EPB41L4A: variants seen among roughly 807,000 people sequenced by gnomAD.
EPB41L4A encodes band 4.1-like protein 4A.
A neutral mutation model predicts 108.6 loss-of-function variants in EPB41L4A; 100 were observed. That is an observed-to-expected ratio of 0.92 (90% CI 0.78 to 1.09). EPB41L4A has a LOEUF of 1.09. EPB41L4A is among the 50% of genes least tolerant of loss of function. The pLI is 0.00. For synonymous variants in EPB41L4A, 319 were observed against 289.0 expected (o/e 1.10, Z -1.05); for missense variants, 1,030 against 842.7 (o/e 1.22, Z -2.75).
chr5:112,251,291 C>G (rs1047136606), intron 9 of EPB41L4A, among the ~76,000 whole-genome samples: 2 of 152,098 alleles, frequency 1.3e-5, no homozygotes, highest in Non-Finnish European at 1.5e-5. Flanking sequence ...GGAATTTAAC[C>G]CATGGATATC....
chr5:112,232,948 A>G (rs1217474575), intron 12 of EPB41L4A, among the ~76,000 whole-genome samples: 1 of 152,222 alleles, frequency 6.6e-6, no homozygotes, highest in East Asian at 1.9e-4. Flanking sequence ...AACGTCAGCA[A>G]TATTACTTCA....
At chr5:112,406,419 T>C (rs1433822658) in intron 1 of EPB41L4A, among the ~76,000 whole-genome samples, 1 of 152,158 alleles carries the variant, frequency 6.6e-6, no homozygotes. Context: ...CTCAGTGACA[T>C]AAGCTCTAAT....
intron 1 of EPB41L4A, among the ~76,000 whole-genome samples, chr5:112,376,210 A>C (rs976583655): frequency 1.3e-5 from 2 of 152,246 alleles, no homozygotes; most frequent in African/African-American, 4.8e-5. Flanking sequence ...ACATCAGCAA[A>C]ACACATAAGA....
chr5:112,152,598 C>T (rs149838054), intron 12 of EPB41L4A, among the ~76,000 whole-genome samples: 1 of 152,264 alleles, frequency 6.6e-6, no homozygotes, highest in Non-Finnish European at 1.5e-5. Flanking sequence ...GCACCTTAAT[C>T]TCAGATTTTC....
At chr5:112,324,228 T>A (rs1331178182) in intron 1 of EPB41L4A, among the ~76,000 whole-genome samples, 3 of 152,188 alleles carry the variant, frequency 2.0e-5, no homozygotes, top group Non-Finnish European at 4.4e-5. Flanking sequence ...AATTCTAAAC[T>A]ATCTCAGTAA....
At chr5:112,416,661 T>C (rs1230337454) in intron 1 of EPB41L4A, among the ~76,000 whole-genome samples, 1 of 152,220 alleles carries the variant, frequency 6.6e-6, no homozygotes, top group African/African-American at 2.4e-5. Context: ...AGTAACTGTT[T>C]ACTTTTTCAT....
intron 1 of EPB41L4A, among the ~76,000 whole-genome samples, chr5:112,322,189 A>C (rs1755825003): frequency 6.6e-6 from 1 of 152,216 alleles, no homozygotes; most frequent in Admixed American, 6.5e-5. Flanking sequence ...TCTTCTCATA[A>C]ATGTGAAACT....
intron 1 of EPB41L4A, among the ~76,000 whole-genome samples, chr5:112,373,394 C>T (rs899098481): frequency 6.6e-6 from 1 of 152,208 alleles, no homozygotes; most frequent in Non-Finnish European, 1.5e-5. Context: ...AGCACTAGCT[C>T]CTCTGGTATG....
intron 1 of EPB41L4A, among the ~76,000 whole-genome samples, chr5:112,334,118 T>C (rs1034589212): frequency 6.6e-6 from 1 of 152,090 alleles, no homozygotes; most frequent in East Asian, 1.9e-4. Flanking sequence ...CAGCCAACCA[T>C]TATTAATATT....
At chr5:112,268,436 C>T (rs1397592178) in intron 4 of EPB41L4A, among the ~76,000 whole-genome samples, 2 of 152,198 alleles carry the variant, frequency 1.3e-5, no homozygotes, top group East Asian at 3.9e-4. Context: ...AGAATTATCA[C>T]TGCTTGCTGC....
At chr5:112,165,149 T>A (rs1199656555) in intron 22 of EPB41L4A, 31 bp from the exon 23 acceptor site, 1 of 1,529,066 alleles carries the variant, frequency 6.5e-7, no homozygotes, top group Admixed American at 1.8e-5. Context: ...GTAGAAAGAT[T>A]CAGAAGAAAA....
intron 1 of EPB41L4A, among the ~76,000 whole-genome samples, chr5:112,360,885 G>A (rs1043900132): frequency 4.0e-5 from 6 of 151,132 alleles, no homozygotes; most frequent in African/African-American, 1.2e-4. Flanking sequence ...GCCCTGCCTC[G>A]ACCCAGTCTG....
intron 17 of EPB41L4A, among the ~76,000 whole-genome samples, chr5:112,193,996 C>T (rs576169199): frequency 6.6e-6 from 1 of 152,260 alleles, no homozygotes; most frequent in East Asian, 1.9e-4. Context: ...TATTTTGGAA[C>T]TAGGGATAAC....
intron 9 of EPB41L4A, among the ~76,000 whole-genome samples, chr5:112,256,623 C>G (rs958042010): frequency 6.6e-6 from 1 of 152,000 alleles, no homozygotes; most frequent in African/African-American, 2.4e-5. Context: ...AAAAAGAAAA[C>G]TTATCAAACA....
chr5:112,245,131 T>C (rs1186189810), intron 9 of EPB41L4A, among the ~76,000 whole-genome samples: 1 of 151,384 alleles, frequency 6.6e-6, no homozygotes, highest in African/African-American at 2.4e-5. Flanking sequence ...GATATGCCTG[T>C]AATTCTAATT....
intron 15 of EPB41L4A, among the ~76,000 whole-genome samples, chr5:112,199,683 CCTGTG>C (rs1762128203): frequency 6.6e-6 from 1 of 152,134 alleles, no homozygotes; most frequent in Non-Finnish European, 1.5e-5. Context: ...CCCTTTCAAG[CCTGTG>C]AAGTCCTGAT....
intron 13 of EPB41L4A, among the ~76,000 whole-genome samples, chr5:112,208,138 T>C (rs957127469): frequency 3.4e-5 from 5 of 146,114 alleles, no homozygotes; most frequent in Non-Finnish European, 7.4e-5. Flanking sequence ...CCCAGCTACT[T>C]GGGAGGCTGA....
At chr5:112,393,470 C>CA (rs1761095501) in intron 1 of EPB41L4A, among the ~76,000 whole-genome samples, 2 of 152,182 alleles carry the variant, frequency 1.3e-5, no homozygotes, top group African/African-American at 4.8e-5. Context: ...CACCTCTACG[C>CA]AAATAAACTA....
chr5:112,161,878 GTGTTGCTC>G (rs1307129213), downstream of EPB41L4A: 3 of 256,702 alleles, frequency 1.2e-5, no homozygotes, highest in African/African-American at 2.3e-5. Flanking sequence ...TACATTCGTA[GTGTTGCTC>G]TGTCTGTAGC....
Sources: allele counts gnomAD v4.1 joint callset (sites outside exome capture counted in the v4.1 genomes callset), GRCh38; gene constraint gnomAD v4.1.1; transcripts MANE v1.5; gene names NCBI Gene and HGNC (gene_info 2026-07-23, HGNC 2026-07-21).